SLIT3: variants seen among roughly 807,000 people sequenced by gnomAD.
SLIT3 encodes slit homolog 3 protein.
A neutral mutation model predicts 184.0 loss-of-function variants in SLIT3; 68 were observed. The observed-to-expected ratio is 0.37, with a 90% CI of 0.30 to 0.45. The LOEUF (loss-of-function observed/expected upper bound fraction) is 0.45. Among genes scored for constraint, SLIT3 ranks in the 20% least tolerant of loss-of-function variants. The pLI, the probability that SLIT3 is intolerant of heterozygous loss-of-function variation, is 1.00. For missense variants in SLIT3, 1,707 were observed against 2,026.0 expected, an observed-to-expected ratio of 0.84 and a Z score of 3.02; for synonymous variants, 831 against 828.6, an observed-to-expected ratio of 1.00 and a Z score of -0.05.
intron 32 of SLIT3, among the ~76,000 whole-genome samples, chr5:168,682,638 G>T (rs2113216735): frequency 6.6e-6 from 1 of 152,304 alleles, no homozygotes; most frequent in African/African-American, 2.4e-5. Flanking sequence ...GTGTGGAGGG[G>T]GGATCTTTGC....
At chr5:168,902,354 C>A (rs867840005) in intron 4 of SLIT3, among the ~76,000 whole-genome samples, 1 of 152,122 alleles carries the variant, frequency 6.6e-6, no homozygotes, top group African/African-American at 2.4e-5. Flanking sequence ...GGAAGATAGA[C>A]GTAAGAAAAC....
chr5:168,969,010 G>A (rs765939476), intron 4 of SLIT3, among the ~76,000 whole-genome samples: 1 of 152,042 alleles, frequency 6.6e-6, no homozygotes, highest in African/African-American at 2.4e-5. Context: ...CTCCAACTTG[G>A]TCTGGAGGAG....
intron 7 of SLIT3, among the ~76,000 whole-genome samples, chr5:168,818,997 TA>T: frequency 6.6e-6 from 1 of 152,386 alleles, no homozygotes; most frequent in Middle Eastern, 3.4e-3. Flanking sequence ...CAAAAATAAT[TA>T]ATCTGGATGT....
intron 4 of SLIT3, among the ~76,000 whole-genome samples, chr5:169,134,435 C>G (rs115905832): frequency 0.017 from 2,528 of 152,278 alleles, 65 homozygotes; most frequent in African/African-American, 0.058. Flanking sequence ...CACTCCTCCC[C>G]TACTCCTTTG....
chr5:169,094,744 G>T (rs1425883234), intron 4 of SLIT3, among the ~76,000 whole-genome samples: 4 of 152,196 alleles, frequency 2.6e-5, no homozygotes, highest in African/African-American at 9.7e-5. Context: ...ATTGCTTTAG[G>T]ATAGAAGTTT....
rs189791581 is a variant in SLIT3 at position 169,062,775 on chromosome 5, G to C, written c.413+130704C>G. On this transcript the variant is annotated intron_variant, in intron 4 of 35. Transcript: ENST00000519560. ...CATGAGTCCCCCTGGCTCAGAGTTG[G>C]GTCCAGTAAGTTGTTGTGACCATCA... Among the ~76,000 whole-genome samples, 13 of 152,214 alleles carry C rather than the reference G, an allele frequency of 8.5e-5. No homozygotes were observed. In the South Asian group the frequency reaches 1.3e-3, roughly 15 times the overall value.
At chr5:168,797,662 C>G (rs1436863512) in intron 9 of SLIT3, among the ~76,000 whole-genome samples, 3 of 152,148 alleles carry the variant, frequency 2.0e-5, no homozygotes, top group Admixed American at 1.3e-4. Context: ...CATCACAGAA[C>G]CAAATTTTAT....
chr5:169,099,315 G>C (rs1196628191), intron 4 of SLIT3, among the ~76,000 whole-genome samples: 1 of 152,124 alleles, frequency 6.6e-6, no homozygotes, highest in African/African-American at 2.4e-5. Flanking sequence ...TGGTCTCAGG[G>C]TATCTCTGGG....
rs113053162 is a variant in SLIT3, at chr5:168,909,799, C to T, written c.414-26463G>A. On this transcript the variant is annotated intron_variant, in intron 4 of 35. Coordinates refer to ENST00000519560, the MANE Select transcript of SLIT3 (RefSeq NM_003062.4). Reference sequence around the variant, plus strand: ...TGGGTTTCTGGTCTGGGTTTGAGCACGTTTTAAGGGATTGAAGTTCACCGT... The same window carrying T: ...TGGGTTTCTGGTCTGGGTTTGAGCATGTTTTAAGGGATTGAAGTTCACCGT... Among the ~76,000 whole-genome samples the T allele has an allele frequency of 7.1e-3, 1,085 of 152,262 alleles. 15 individuals carry two copies. The highest frequency in any genetic ancestry group is 0.025 in the African/African-American group (1,018 of 41,550).
At chr5:168,981,670 TAA>T (rs1581266123) in intron 4 of SLIT3, among the ~76,000 whole-genome samples, 1 of 152,314 alleles carries the variant, frequency 6.6e-6, no homozygotes, top group East Asian at 1.9e-4. Flanking sequence ...ATAATAACCA[TAA>T]GTCTTAATTT....
At chr5:168,732,849 T>A (rs1191894405) in intron 20 of SLIT3, among the ~76,000 whole-genome samples, 2 of 152,092 alleles carry the variant, frequency 1.3e-5, no homozygotes, top group Non-Finnish European at 2.9e-5. Context: ...ATGTAAAACA[T>A]GCAAATATAA....
rs1173265631 is a variant in SLIT3, at chr5:168,951,733, CATA to C, written c.414-68400_414-68398del. Among the ~76,000 whole-genome samples, 3 of 152,146 alleles carry C rather than the reference CATA, an allele frequency of 2.0e-5. No homozygotes were observed. The South Asian group carries it at 6.2e-4, about 32-fold the overall frequency. ...ACTCCTTCTAGAAGGGAACCCTCTT[CATA>C]ATAAGGAGGTTCCTGCTGACCAAAG... On this transcript the variant is annotated intron_variant, in intron 4 of 35. Coordinates refer to ENST00000519560, the MANE Select transcript of SLIT3 (RefSeq NM_003062.4).
At chr5:168,867,780 A>G (rs536943194) in intron 5 of SLIT3, among the ~76,000 whole-genome samples, 129 of 151,162 alleles carry the variant, frequency 8.5e-4, no homozygotes, top group Non-Finnish European at 1.5e-3. Context: ...AGTTGGATTT[A>G]AACTGATTCA....
chr5:168,805,146 C>G (rs766518812), intron 9 of SLIT3, among the ~76,000 whole-genome samples: 6 of 152,162 alleles, frequency 3.9e-5, no homozygotes, highest in Non-Finnish European at 8.8e-5. Flanking sequence ...GTCATACAGG[C>G]AGAAATGTGT....
chr5:168,947,527 G>A (rs983837956), intron 4 of SLIT3, among the ~76,000 whole-genome samples: 2 of 152,224 alleles, frequency 1.3e-5, no homozygotes, highest in African/African-American at 4.8e-5. Flanking sequence ...AGGCTGGGGT[G>A]GTGGGCCTTG....
chr5:168,886,555 C>T (rs1760222609), intron 4 of SLIT3, among the ~76,000 whole-genome samples: 4 of 152,264 alleles, frequency 2.6e-5, no homozygotes, highest in African/African-American at 4.8e-5. Context: ...TTTAGTGTCT[C>T]CCCTTTCACG....
At chr5:169,282,535 C>T (rs1001526347) in intron 1 of SLIT3, among the ~76,000 whole-genome samples, 1 of 152,246 alleles carries the variant, frequency 6.6e-6, no homozygotes, top group South Asian at 2.1e-4. Flanking sequence ...TTGAACTCGC[C>T]CTAGTTATTC....
intron 1 of SLIT3, among the ~76,000 whole-genome samples, chr5:169,293,062 T>C (rs1561790872): frequency 6.6e-6 from 1 of 152,210 alleles, no homozygotes; most frequent in Non-Finnish European, 1.5e-5. Context: ...AAGAGAACTA[T>C]GGATGGAGTA....
chr5:168,676,036 T>C (rs1413313168), intron 32 of SLIT3, among the ~76,000 whole-genome samples: 5 of 151,958 alleles, frequency 3.3e-5, no homozygotes, highest in Non-Finnish European at 7.4e-5. Flanking sequence ...CACCTACTTA[T>C]TTATCTACCC....
Sources: gnomAD v4.1 joint callset for allele counts (sites outside exome capture counted in the v4.1 genomes callset) on GRCh38, gnomAD v4.1.1 for gene constraint, MANE v1.5 for transcripts, NCBI Gene and HGNC (gene_info 2026-07-23, HGNC 2026-07-21) for gene names.